The following NLRP5 variants were observed in gnomAD, a reference collection of about 807,000 sequenced individuals.
The protein encoded by NLRP5 is NLR family pyrin domain containing 5.
A neutral mutation model predicts 113.1 loss-of-function variants in NLRP5; 93 were observed. The observed-to-expected ratio is 0.82, with a 90% CI of 0.70 to 0.98. NLRP5 has a LOEUF of 0.98. Among genes scored for constraint, NLRP5 ranks in the 50% least tolerant of loss-of-function variants. NLRP5 has a pLI of 0.00. For missense variants in NLRP5, 1,808 were observed against 1,514.3 expected, an observed-to-expected ratio of 1.19 and a Z score of -3.22; for synonymous variants, 751 against 600.7, an observed-to-expected ratio of 1.25 and a Z score of -3.66.
intron 6 of NLRP5, among the ~76,000 whole-genome samples, chr19:56,024,519 G>A (rs11669057): frequency 5.7e-4 from 25 of 44,204 alleles, no homozygotes; most frequent in Non-Finnish European, 7.8e-4. Context: ...ATATGTGTAT[G>A]TATATGTATA....
chr19:56,048,360 T>TTG (rs1433716582), intron 11 of NLRP5, among the ~76,000 whole-genome samples: 1 of 152,208 alleles, frequency 6.6e-6, no homozygotes, highest in Non-Finnish European at 1.5e-5. Flanking sequence ...AGGTTCTGTT[T>TTG]TGATGTGTTT....
the NLRP5 span, among the ~76,000 whole-genome samples, chr19:55,987,394 G>T: frequency 6.6e-6 from 1 of 152,210 alleles, no homozygotes; most frequent in Non-Finnish European, 1.5e-5. Context: ...TACAGAGTAG[G>T]GGGTACTGCA....
intron 13 of NLRP5, among the ~76,000 whole-genome samples, chr19:56,054,369 C>CCAA (rs979237856): frequency 6.6e-6 from 1 of 152,080 alleles, no homozygotes; most frequent in Admixed American, 6.6e-5. Context: ...ACCAGCTGGG[C>CCAA]CAACACTGGG....
Position 56,027,911 on chromosome 19 carries a change from G to A in NLRP5, c.1678G>A (p.Glu560Lys). ...CATGGTTCAAGGACTCGGGGAGTCT[G>A]AGCTCCGTGCTCTGTTTCACATGAA... The change falls in exon 7 of 15, where the codon GAG (glutamate) becomes AAG (lysine). Residue 560 changes from glutamate (E) to lysine (K), a missense_variant. Coordinates refer to ENST00000390649, the MANE Select transcript of NLRP5 (RefSeq NM_153447.4). 1.2e-6 allele frequency: 2 copies of A among 1,613,814 alleles called. No individual in the cohort carries two copies. Among genetic ancestry groups the A allele is most frequent in the Non-Finnish European group, 1.7e-6 (2 of 1,179,816 alleles).
At position 56,027,855 on chromosome 19, in the gene NLRP5, A is replaced by G. The variant is rs745600824; in HGVS notation, c.1622A>G (p.Asn541Ser). 5.0e-6 allele frequency: 8 copies of G among 1,613,946 alleles called. No homozygotes were observed. The South Asian group carries it at 8.8e-5, about 18-fold the overall frequency. The change falls in exon 7 of 15, where the codon AAT (asparagine) becomes AGT (serine). Residue 541 changes from asparagine (N) to serine (S), a missense_variant. Coordinates refer to ENST00000390649, the MANE Select transcript of NLRP5 (RefSeq NM_153447.4). ...CGTATGGCTGTGGAGGGAGTGTGGA[A>G]TAGGAAGTCAGTGTTTGACGGTGAC...
At chr19:56,022,728 T>C (rs1444201439) in intron 6 of NLRP5, among the ~76,000 whole-genome samples, 2 of 152,184 alleles carry the variant, frequency 1.3e-5, no homozygotes, top group Non-Finnish European at 2.9e-5. Context: ...ATGAGGTTTT[T>C]TGTTTTTTGT....
chr19:56,058,779 T>G (rs1226311216), intron 14 of NLRP5, among the ~76,000 whole-genome samples: 1 of 152,218 alleles, frequency 6.6e-6, no homozygotes. Flanking sequence ...CCCATGTTCA[T>G]AGTGGCATAA....
chr19:56,012,546 A>G (rs762723862), intron 3 of NLRP5, among the ~76,000 whole-genome samples: 2 of 144,046 alleles, frequency 1.4e-5, no homozygotes, highest in Non-Finnish European at 3.0e-5. Flanking sequence ...ACCTATTACC[A>G]TAATCCAGTC....
At chr19:56,007,917 G>A (rs1418281052) in intron 2 of NLRP5, among the ~76,000 whole-genome samples, 30 of 35,004 alleles carry the variant, frequency 8.6e-4, no homozygotes, top group Non-Finnish European at 2.8e-3. Flanking sequence ...GTGTGTGTGT[G>A]TGTGTGTGTG....
In NLRP5 at chr19:56,050,585, T is replaced by A; in HGVS notation, c.3125T>A (p.Leu1042Gln). The A allele has an allele frequency of 6.2e-7, 1 of 1,613,150 alleles. No individual in the cohort carries two copies. The highest frequency in any genetic ancestry group is 8.5e-7 in the Non-Finnish European group (1 of 1,179,368). The change falls in exon 12 of 15, where the codon CTG becomes CAG. Residue 1042 changes from leucine to glutamine, a missense_variant. Physicochemically the swap from Leu to Gln is moderately radical, Grantham distance 113 (BLOSUM62 -2). Coordinates refer to ENST00000390649, the MANE Select transcript of NLRP5 (RefSeq NM_153447.4). ...GAACCATCTTGTCATCTCCAGGACC[T>A]GGAGTGAGTTTCCCATGGGCGTTGG...
At chr19:55,991,796 ATAAT>A in the NLRP5 span, among the ~76,000 whole-genome samples, 1 of 152,224 alleles carries the variant, frequency 6.6e-6, no homozygotes, top group Non-Finnish European at 1.5e-5. Flanking sequence ...GTAAATATAA[ATAAT>A]AGTGGAATAT....
intron 2 of NLRP5, among the ~76,000 whole-genome samples, chr19:56,005,164 CATATATTTTTATAT>C: frequency 7.0e-6 from 1 of 142,066 alleles, no homozygotes; most frequent in African/African-American, 2.6e-5. Context: ...CACATATACA[CATATATTTTTATAT>C]ATACACACAT....
At chr19:56,024,971 C>G (rs538004321) in intron 6 of NLRP5, among the ~76,000 whole-genome samples, 1 of 152,088 alleles carries the variant, frequency 6.6e-6, no homozygotes, top group Admixed American at 6.6e-5. Flanking sequence ...TGCCTCCTGT[C>G]AGATCGGATG....
chr19:56,008,171 A>G (rs1982022748), intron 2 of NLRP5, among the ~76,000 whole-genome samples: 1 of 151,460 alleles, frequency 6.6e-6, no homozygotes, highest in South Asian at 2.1e-4. Flanking sequence ...CTCGTGATCC[A>G]CCTGCCTCAG....
the NLRP5 span, among the ~76,000 whole-genome samples, chr19:55,991,183 G>A: frequency 6.6e-6 from 1 of 152,034 alleles, no homozygotes; most frequent in East Asian, 1.9e-4. Context: ...TATACCATTC[G>A]ATTGAGACCT....
intron 12 of NLRP5, among the ~76,000 whole-genome samples, chr19:56,053,059 T>C (rs1405185301): frequency 6.6e-6 from 1 of 151,840 alleles, no homozygotes; most frequent in African/African-American, 2.4e-5. Flanking sequence ...ATCGTGCCAT[T>C]GCACTCCAGC....
chr19:56,005,731 A>C (rs1178676352), intron 2 of NLRP5, among the ~76,000 whole-genome samples: 1 of 152,152 alleles, frequency 6.6e-6, no homozygotes, highest in Non-Finnish European at 1.5e-5. Flanking sequence ...CTCTCTCCTG[A>C]GCTTGGAAAA....
the NLRP5 span, chr19:55,987,978 C>A: frequency 3.2e-6 from 4 of 1,257,696 alleles, no homozygotes; most frequent in Non-Finnish European, 4.7e-6. Flanking sequence ...TGGCAAATAC[C>A]AGGCGTTATC....
intron 3 of NLRP5, among the ~76,000 whole-genome samples, chr19:56,013,844 A>G (rs1357145457): frequency 6.6e-6 from 1 of 151,982 alleles, no homozygotes; most frequent in Non-Finnish European, 1.5e-5. Flanking sequence ...ACTATTTTTC[A>G]TTGTAACCAT....
Sources: gnomAD v4.1 joint callset for allele counts (sites outside exome capture counted in the v4.1 genomes callset) on GRCh38, gnomAD v4.1.1 for gene constraint, MANE v1.5 for transcripts, NCBI Gene and HGNC (gene_info 2026-07-23, HGNC 2026-07-21) for gene names.